TENM2: variants seen among roughly 807,000 people sequenced by gnomAD.
TENM2 encodes the protein teneurin transmembrane protein 2.
In TENM2, 52 loss-of-function variants were observed where a neutral mutation model predicts 245.2. The observed-to-expected ratio is 0.21, with a 90% CI of 0.17 to 0.27. The LOEUF is 0.27. Ranked by LOEUF, TENM2 falls within the 10% of genes least tolerant of loss-of-function variation. The pLI is 1.00. For missense variants in TENM2, 3,046 were observed against 3,666.8 expected (o/e 0.83, Z 4.37); for synonymous variants, 1,363 against 1,438.9 (o/e 0.95, Z 1.19).
chr5:167,254,359 C>T, the TENM2 span, among the ~76,000 whole-genome samples: 3 of 152,132 alleles, frequency 2.0e-5, no homozygotes, highest in African/African-American at 7.2e-5. Flanking sequence ...TGCTAAATGC[C>T]TAGAGAAAGC....
At chr5:167,423,046 G>C (rs767732418) in intron 2 of TENM2, among the ~76,000 whole-genome samples, 2 of 151,904 alleles carry the variant, frequency 1.3e-5, no homozygotes, top group Non-Finnish European at 2.9e-5. Context: ...TTCCATTTCC[G>C]ACTAAGAAGA....
intron 2 of TENM2, among the ~76,000 whole-genome samples, chr5:167,756,316 C>T (rs1479149504): frequency 6.6e-6 from 1 of 152,092 alleles, no homozygotes; most frequent in Non-Finnish European, 1.5e-5. Context: ...CAGCATGCCC[C>T]ACCTCTCTTT....
intron 2 of TENM2, among the ~76,000 whole-genome samples, chr5:167,872,554 GA>G (rs1285980527): frequency 1.7e-5 from 1 of 58,422 alleles, no homozygotes; most frequent in Non-Finnish European, 5.0e-5. Context: ...GAAAGAGAAA[GA>G]AAGAAAGAAA....
intron 9 of TENM2, among the ~76,000 whole-genome samples, chr5:168,110,631 C>T (rs952803578): frequency 2.0e-5 from 3 of 152,294 alleles, no homozygotes; most frequent in South Asian, 2.1e-4. Context: ...TCCATGCTTG[C>T]GGGTAATAGG....
At chr5:167,356,187 CAAAAAAAAAAAAAAAAAAA>C (rs58804392) in intron 1 of TENM2, among the ~76,000 whole-genome samples, 1 of 74,030 alleles carries the variant, frequency 1.4e-5, no homozygotes, top group Non-Finnish European at 2.3e-5. Context: ...GACTCCATCT[CAAAAAAAAAAAAAAAAAAA>C]AAAAAAAAAA....
chr5:168,062,992 C>T (rs2152099552), intron 7 of TENM2, among the ~76,000 whole-genome samples: 1 of 152,212 alleles, frequency 6.6e-6, no homozygotes, highest in African/African-American at 2.4e-5. Flanking sequence ...CAAAAGCTAC[C>T]CACCTTACAG....
chr5:167,418,648 TAAA>T (rs1221447845), intron 2 of TENM2, among the ~76,000 whole-genome samples: 1 of 152,194 alleles, frequency 6.6e-6, no homozygotes, highest in Non-Finnish European at 1.5e-5. Flanking sequence ...TGCATACTTT[TAAA>T]ACCTTATGTG....
chr5:167,762,359 C>T (rs1041246646), intron 2 of TENM2, among the ~76,000 whole-genome samples: 2 of 152,192 alleles, frequency 1.3e-5, no homozygotes, highest in Non-Finnish European at 2.9e-5. Context: ...AGCATCAAAG[C>T]TTCTTTATCA....
intron 2 of TENM2, among the ~76,000 whole-genome samples, chr5:167,619,340 A>G (rs186883316): frequency 6.6e-6 from 1 of 152,274 alleles, no homozygotes; most frequent in East Asian, 1.9e-4. Context: ...CTAACTACCA[A>G]GTGCACCAGG....
chr5:168,181,669 CTTTTTTTT>C (rs36042366), intron 13 of TENM2, among the ~76,000 whole-genome samples: 9 of 78,864 alleles, frequency 1.1e-4, no homozygotes, highest in Admixed American at 6.4e-4. Context: ...AGTTTTACTT[CTTTTTTTT>C]TTTTTTTTTT....
At chr5:167,772,756 T>C (rs1763488888) in intron 2 of TENM2, among the ~76,000 whole-genome samples, 1 of 152,194 alleles carries the variant, frequency 6.6e-6, no homozygotes, top group African/African-American at 2.4e-5. Context: ...CAGTATTCTG[T>C]TAACCAGAAG....
chr5:168,138,861 T>G (rs751932731), intron 12 of TENM2, among the ~76,000 whole-genome samples: 8 of 152,312 alleles, frequency 5.3e-5, no homozygotes, highest in Non-Finnish European at 1.0e-4. Flanking sequence ...GTACTGGGTG[T>G]GACACATGAG....
At chr5:167,807,286 T>A (rs974638224) in intron 2 of TENM2, among the ~76,000 whole-genome samples, 2 of 151,968 alleles carry the variant, frequency 1.3e-5, no homozygotes, top group African/African-American at 4.8e-5. Flanking sequence ...AGTGTTCTAA[T>A]AAAAGCCTGG....
At chr5:168,011,231 G>GA (rs1785197142) in intron 5 of TENM2, among the ~76,000 whole-genome samples, 1 of 152,224 alleles carries the variant, frequency 6.6e-6, no homozygotes, top group South Asian at 2.1e-4. Context: ...CTGTGGGAAT[G>GA]ATGTGCAGAT....
chr5:167,746,897 T>C (rs1419416529), intron 2 of TENM2, among the ~76,000 whole-genome samples: 3 of 152,166 alleles, frequency 2.0e-5, no homozygotes, highest in African/African-American at 4.8e-5. Flanking sequence ...TTTGTTTCAT[T>C]TATACATCTC....
chr5:167,426,475 AG>A (rs1194745092), intron 2 of TENM2, among the ~76,000 whole-genome samples: 2 of 139,456 alleles, frequency 1.4e-5, no homozygotes, highest in African/African-American at 5.6e-5. Context: ...TAATTCTTAC[AG>A]GGGTGGGAAG....
the TENM2 span, among the ~76,000 whole-genome samples, chr5:167,215,441 C>T: frequency 6.6e-6 from 1 of 152,050 alleles, no homozygotes; most frequent in Non-Finnish European, 1.5e-5. Flanking sequence ...ATAAAGTGAA[C>T]AAAAGTAAGA....
Position 168,244,698 on chromosome 5 carries a change from C to A in TENM2, c.5799C>A (p.Ser1933Arg). The A allele has an allele frequency of 6.8e-7, 1 of 1,466,214 alleles. No individual in the cohort carries two copies. The highest frequency in any genetic ancestry group is 9.1e-7 in the Non-Finnish European group (1 of 1,099,048). The allele number at this position is 1,466,214 out of a possible 1,614,324, so 90.8% of individuals were successfully genotyped here. Residue 1933 changes from serine to arginine, a missense_variant, in exon 26 of 29, where the codon AGC (serine) becomes AGA (arginine). This residue lies in a region of TENM2 where 2,704 missense variants were observed against 3,331.9 expected (regional missense o/e 0.81). Transcript: ENST00000518659. The surrounding 1 kb of genome is among the most constrained non-coding windows in gnomAD (Gnocchi z 4.9). ...TGTTCGCTGACGGGAAAGTGTGGAG[C>A]TACTCCTACCTTGACAAGGTAGGTG...
intron 5 of TENM2, among the ~76,000 whole-genome samples, chr5:168,011,220 G>A (rs1412126862): frequency 6.6e-6 from 1 of 152,188 alleles, no homozygotes; most frequent in East Asian, 1.9e-4. Context: ...GGATTACAAT[G>A]CTGTGGGAAT....
Sources: allele counts gnomAD v4.1 joint callset (sites outside exome capture counted in the v4.1 genomes callset), GRCh38; gene constraint gnomAD v4.1.1; regional missense constraint gnomAD v4.1.1; non-coding constraint Gnocchi (gnomAD v3.1); transcripts MANE v1.5; gene names NCBI Gene and HGNC (gene_info 2026-07-23, HGNC 2026-07-21).